Variants in NDUFAF1 observed in about 807,000 individuals in gnomAD.
NDUFAF1 encodes NADH:ubiquinone oxidoreductase complex assembly factor 1.
A neutral mutation model predicts 28.7 loss-of-function variants in NDUFAF1; 18 were observed. The ratio of observed to expected loss-of-function variants is 0.63; its 90% CI spans 0.43 to 0.93. The LOEUF is 0.93. NDUFAF1 is among the 40% of genes least tolerant of loss of function. The pLI, the probability that NDUFAF1 is intolerant of heterozygous loss-of-function variation, is 0.00. For missense variants in NDUFAF1, 404 were observed against 398.3 expected (o/e 1.01, Z -0.12); for synonymous variants, 113 against 139.7 (o/e 0.81, Z 1.35).
intron 1 of NDUFAF1, among the ~76,000 whole-genome samples, chr15:41,401,503 C>T (rs1323368808): frequency 6.6e-6 from 1 of 150,656 alleles, no homozygotes; most frequent in African/African-American, 2.4e-5. Context: ...TGTGCGATCT[C>T]GGCTCATTGT....
At chr15:41,388,714 T>G (rs1040672974) in intron 3 of NDUFAF1, among the ~76,000 whole-genome samples, 192 bp from the exon 4 acceptor site, 3 of 151,912 alleles carry the variant, frequency 2.0e-5, no homozygotes, top group African/African-American at 2.4e-5. Flanking sequence ...GAAAAAAATA[T>G]TTGTAACATT....
intron 3 of NDUFAF1, chr15:41,394,154 G>A (rs368311902): frequency 7.4e-5 from 32 of 434,844 alleles, no homozygotes; most frequent in East Asian, 5.1e-4. Context: ...TTAGCCTCCC[G>A]AGTAGCTGGG....
rs535029451 is a variant in NDUFAF1, at chr15:41,398,257, C to G, written c.-81-1117G>C. Among the ~76,000 whole-genome samples the G allele has an allele frequency of 3.3e-5, 5 of 151,170 alleles. No individual in the cohort carries two copies. The South Asian group carries it at 1.0e-3, about 32-fold the overall frequency. On this transcript the variant is annotated intron_variant, in intron 1 of 4. Transcript: ENST00000260361. The stretch of plus-strand genomic sequence containing the variant: ...CTGTAATCTCAACACTTTGGGAGGC[C>G]GAGGCGGATGGATCACCTGAGGTAA...
chr15:41,389,158 C>G (rs937753171), intron 3 of NDUFAF1, among the ~76,000 whole-genome samples: 8 of 151,994 alleles, frequency 5.3e-5, no homozygotes, highest in African/African-American at 1.9e-4. Context: ...TCTTGGCTCA[C>G]TGCAACTTCC....
rs2050264588 is a variant in NDUFAF1, at chr15:41,387,390, T to G, written c.*54A>C. On this transcript the variant is annotated 3_prime_UTR_variant, in exon 5 of 5. Coordinates refer to ENST00000260361, the MANE Select transcript of NDUFAF1 (RefSeq NM_016013.4). Reference sequence around the variant, plus strand: ...AAAGAAATATTTTATTTTGTCTATATCATTGTAGATGCTAGTACCCTTAGA... The same window carrying G: ...AAAGAAATATTTTATTTTGTCTATAGCATTGTAGATGCTAGTACCCTTAGA... 1.3e-6 allele frequency: 2 copies of G among 1,504,164 alleles called. No homozygotes were observed. Among genetic ancestry groups the G allele is most frequent in the Admixed American group, 1.7e-5 (1 of 59,624 alleles). 93.2% of individuals were successfully genotyped at this position (1,504,164 alleles called of 1,614,324 possible).
intron 3 of NDUFAF1, among the ~76,000 whole-genome samples, chr15:41,388,818 T>G (rs145972317): frequency 6.7e-6 from 1 of 148,172 alleles, no homozygotes; most frequent in Admixed American, 6.9e-5. Flanking sequence ...ACCCGGGAGG[T>G]AGAGGTTGCA....
intron 1 of NDUFAF1, among the ~76,000 whole-genome samples, chr15:41,397,522 G>A (rs1025102466): frequency 7.2e-5 from 11 of 152,164 alleles, no homozygotes; most frequent in South Asian, 2.1e-4. Context: ...AGACTGGGCC[G>A]GGCGCGGTGG....
intron 3 of NDUFAF1, among the ~76,000 whole-genome samples, chr15:41,390,459 C>T (rs1209496873): frequency 6.6e-6 from 1 of 152,114 alleles, no homozygotes; most frequent in Non-Finnish European, 1.5e-5. Context: ...GGCGCGGTGG[C>T]TCACGCCTGT....
intron 1 of NDUFAF1, among the ~76,000 whole-genome samples, chr15:41,401,046 C>G (rs949452632): frequency 6.6e-6 from 1 of 151,630 alleles, no homozygotes; most frequent in Admixed American, 6.6e-5. Flanking sequence ...ATCTCCGCCT[C>G]CTGGGTTCAA....
chr15:41,394,620 C>CTTTT (rs35958824), intron 3 of NDUFAF1, among the ~76,000 whole-genome samples: 3 of 55,576 alleles, frequency 5.4e-5, no homozygotes, highest in African/African-American at 8.3e-5. Context: ...ATCTCCAAGA[C>CTTTT]TTTTTTTTTT....
intron 3 of NDUFAF1, among the ~76,000 whole-genome samples, chr15:41,394,620 CTTTTTT>C (rs35958824): frequency 1.8e-5 from 1 of 55,588 alleles, no homozygotes; most frequent in African/African-American, 8.3e-5. Context: ...ATCTCCAAGA[CTTTTTT>C]TTTTTTTTTT....
Position 41,396,724 on chromosome 15 carries a change from A to G in NDUFAF1, c.336T>C (p.Pro112=). 6.2e-7 allele frequency: 1 copy of G among 1,614,178 alleles called. No homozygotes were observed. Among genetic ancestry groups the G allele is most frequent in the Non-Finnish European group, 8.5e-7 (1 of 1,180,040 alleles). ...VDHWRGPEGH[P]LHEVLLEQAK... ...CTTGTTCCAGCAAGACCTCATGCAGAGGGTGGCCTTCCGGTCCTCTCCAAT... is the reference window on the plus strand; with the variant it reads ...CTTGTTCCAGCAAGACCTCATGCAGGGGGTGGCCTTCCGGTCCTCTCCAAT... Residue 112 remains proline, a synonymous_variant, in exon 2 of 5, where the codon CCT becomes CCC. Coordinates refer to ENST00000260361, the MANE Select transcript of NDUFAF1 (RefSeq NM_016013.4).
In NDUFAF1 at chr15:41,402,340, G is replaced by T. The variant is rs767805432; in HGVS notation, c.-278C>A. The stretch of plus-strand genomic sequence containing the variant: ...CGCACTCACGGCCTGGCCTCCGGAG[G>T]CTAGACGGTTCGCCGCGCTGGGGAG... On this transcript the variant is annotated 5_prime_UTR_variant, in exon 1 of 5. Transcript: ENST00000260361. The T allele has an allele frequency of 2.2e-6, 1 of 453,892 alleles. No homozygotes were observed. The highest frequency in any genetic ancestry group is 2.0e-5 in the African/African-American group (1 of 50,018). 28.1% of individuals were successfully genotyped at this position (453,892 alleles called of 1,614,324 possible). A position where few individuals can be genotyped will look rare whatever the true frequency, so the allele number is the denominator to read the frequency against.
chr15:41,394,413 T>G (rs2050356120), intron 3 of NDUFAF1: 1 of 1,285,510 alleles, frequency 7.8e-7, no homozygotes, highest in Admixed American at 2.3e-5. Context: ...CCCATCTATT[T>G]GGACACAGAG....
upstream of NDUFAF1, among the ~76,000 whole-genome samples, chr15:41,402,880 C>A (rs1485811571): frequency 1.3e-5 from 2 of 151,040 alleles, no homozygotes; most frequent in Non-Finnish European, 3.0e-5. Flanking sequence ...TACAGGTGCG[C>A]GCCATCATGC....
chr15:41,399,042 A>T (rs2050427907), intron 1 of NDUFAF1, among the ~76,000 whole-genome samples: 1 of 151,888 alleles, frequency 6.6e-6, no homozygotes, highest in Non-Finnish European at 1.5e-5. Context: ...TAGGCAGGCA[A>T]ATGACTTGTC....
chr15:41,400,785 C>A (rs1223191588), intron 1 of NDUFAF1, among the ~76,000 whole-genome samples: 1 of 150,312 alleles, frequency 6.7e-6, no homozygotes, highest in Non-Finnish European at 1.5e-5. Context: ...GATCCACCTG[C>A]CTTGTTCTCC....
At chr15:41,399,505 C>G (rs1464668727) in intron 1 of NDUFAF1, among the ~76,000 whole-genome samples, 1 of 150,420 alleles carries the variant, frequency 6.6e-6, no homozygotes, top group Non-Finnish European at 1.5e-5. Context: ...TGCAATGAGC[C>G]AAGACTGCAC....
intron 2 of NDUFAF1, among the ~76,000 whole-genome samples, chr15:41,395,374 CT>C (rs563060450): frequency 1.1e-3 from 158 of 141,002 alleles, no homozygotes; most frequent in Non-Finnish European, 1.2e-3. Flanking sequence ...CTTTTCTTTT[CT>C]TTTTTTTTTT....
Sources: gnomAD v4.1 joint callset for allele counts (sites outside exome capture counted in the v4.1 genomes callset) on GRCh38, gnomAD v4.1.1 for gene constraint, MANE v1.5 for transcripts, NCBI Gene and HGNC (gene_info 2026-07-23, HGNC 2026-07-21) for gene names.